RNF152: variants seen among roughly 807,000 people sequenced by gnomAD.
RNF152 encodes ring finger protein 152, also known as E3 ubiquitin-protein ligase RNF152.
In RNF152, 11 loss-of-function variants were observed where a neutral mutation model predicts 12.7. The ratio of observed to expected loss-of-function variants is 0.86; its 90% CI spans 0.54 to 1.43. The LOEUF is 1.43. RNF152 is among the 40% of genes most tolerant of loss of function. RNF152 has a pLI of 0.00. For missense variants in RNF152, 255 were observed against 274.8 expected, an observed-to-expected ratio of 0.93 and a Z score of 0.51; for synonymous variants, 113 against 120.3, an observed-to-expected ratio of 0.94 and a Z score of 0.40.
At chr18:61,863,433 CAAAA>C (rs34663065) in intron 1 of RNF152, among the ~76,000 whole-genome samples, 3 of 90,950 alleles carry the variant, frequency 3.3e-5, no homozygotes, top group African/African-American at 4.3e-5. Flanking sequence ...GACTCCGTCT[CAAAA>C]AAAAAAAAAA....
intron 1 of RNF152, among the ~76,000 whole-genome samples, chr18:61,853,040 G>T (rs2144698044): frequency 6.6e-6 from 1 of 152,280 alleles, no homozygotes; most frequent in East Asian, 1.9e-4. Context: ...CATCTATGTA[G>T]CACTTTGAAA....
chr18:61,855,720 C>T (rs957905714), intron 1 of RNF152, among the ~76,000 whole-genome samples: 31 of 152,194 alleles, frequency 2.0e-4, no homozygotes, highest in Admixed American at 1.6e-3. Flanking sequence ...ACGTCTGGCT[C>T]GCCCTTGGCA....
intron 1 of RNF152, among the ~76,000 whole-genome samples, chr18:61,849,855 C>A (rs1003494865): frequency 3.3e-5 from 5 of 152,174 alleles, no homozygotes; most frequent in Admixed American, 2.6e-4. Flanking sequence ...GTTTGAGCCA[C>A]CATGCCCTGA....
Position 61,850,311 on chromosome 18 carries a change from T to G in RNF152, c.-135-33713A>C, listed in dbSNP as rs530883167. Among the ~76,000 whole-genome samples the G allele has an allele frequency of 4.6e-5, 7 of 152,376 alleles. No homozygotes were observed. In the South Asian group the frequency reaches 1.4e-3, roughly 32 times the overall value. On this transcript the variant is annotated intron_variant, in intron 1 of 1. Coordinates refer to ENST00000312828, the MANE Select transcript of RNF152 (RefSeq NM_173557.3). Reference sequence around the variant, plus strand: ...TGTGCAAAGCCCTTGACATATCATCTGGCACAGAATAACTCCTTGAATGCA... The same window carrying G: ...TGTGCAAAGCCCTTGACATATCATCGGGCACAGAATAACTCCTTGAATGCA...
chr18:61,842,900 C>A (rs1910517622), intron 1 of RNF152, among the ~76,000 whole-genome samples: 2 of 152,182 alleles, frequency 1.3e-5, no homozygotes, highest in Non-Finnish European at 1.5e-5. Context: ...CATCTCCTAT[C>A]AGGTCCCTCT....
rs1284679257 is a variant in RNF152 at position 61,813,098 on chromosome 18, A to T, written c.*2754T>A. 1.3e-5 allele frequency: 2 copies of T among 152,178 alleles called. No homozygotes were observed. The highest frequency in any genetic ancestry group is 6.5e-5 in the Admixed American group (1 of 15,276). The allele number at this position is 152,178 out of a possible 1,614,324, so 9.4% of individuals were successfully genotyped here. A position where few individuals can be genotyped will look rare whatever the true frequency, so the allele number is the denominator to read the frequency against. ...AGTTGTGACTTTTCATTAATGTGCA[A>T]GTATGAATCCTGGCCTCTTGTGTCA... On this transcript the variant is annotated 3_prime_UTR_variant, in exon 2 of 2. Transcript: ENST00000312828.
At chr18:61,835,198 T>G (rs62096301) in intron 1 of RNF152, among the ~76,000 whole-genome samples, 39,549 of 152,204 alleles carry the variant, frequency 0.26, 6,105 homozygotes, top group Non-Finnish European at 0.35. Flanking sequence ...AGCTCCACAG[T>G]ACAAAATAGC....
chr18:61,857,311 A>T (rs1911268091), intron 1 of RNF152, among the ~76,000 whole-genome samples: 1 of 152,206 alleles, frequency 6.6e-6, no homozygotes, highest in Admixed American at 6.5e-5. Context: ...CAGATCTTCA[A>T]CGCCTGCTCT....
Position 61,811,521 on chromosome 18 carries a change from A to T in RNF152, c.*4331T>A, listed in dbSNP as rs1008364830. The stretch of plus-strand genomic sequence containing the variant: ...AAAGAAAGACACTAAAACAATGTCA[A>T]ATCTCATTCTAAAAATACTACCTAC... On this transcript the variant is annotated 3_prime_UTR_variant, in exon 2 of 2. Transcript: ENST00000312828. 1.3e-5 allele frequency: 2 copies of T among 152,258 alleles called. No individual in the cohort carries two copies. Among genetic ancestry groups the T allele is most frequent in the Admixed American group, 1.3e-4 (2 of 15,284 alleles). The allele number at this position is 152,258 out of a possible 1,614,324, so 9.4% of individuals were successfully genotyped here.
At chr18:61,884,259 T>G (rs938387220) in intron 1 of RNF152, among the ~76,000 whole-genome samples, 1 of 152,180 alleles carries the variant, frequency 6.6e-6, no homozygotes, top group Non-Finnish European at 1.5e-5. Flanking sequence ...TCAGACCTTG[T>G]GCACTCAGGT....
intron 1 of RNF152, among the ~76,000 whole-genome samples, chr18:61,876,825 TA>T (rs1912235345): frequency 6.6e-6 from 1 of 152,130 alleles, no homozygotes; most frequent in Admixed American, 6.5e-5. Flanking sequence ...ATTCATGGCG[TA>T]AGTGTCAGTC....
At position 61,816,020 on chromosome 18, in the gene RNF152, C is replaced by CT. The variant is rs1298356618; in HGVS notation, c.443dup (p.Glu149GlyfsTer47). ...TGTCCTGCTCCTCCTCCACCGCCTCCTGGGGAGCCCCACCTTGCAGAGGCT... is the reference window on the plus strand; with the variant it reads ...TGTCCTGCTCCTCCTCCACCGCCTCCTTGGGGAGCCCCACCTTGCAGAGGCT... On this transcript the variant is annotated frameshift_variant, in exon 2 of 2. Transcript: ENST00000312828. LOFTEE classifies it high-confidence loss of function. 8 of 1,614,208 alleles carry CT rather than the reference C, an allele frequency of 5.0e-6. No individual in the cohort carries two copies. The Admixed American group carries it at 1.3e-4, about 27-fold the overall frequency.
At chr18:61,885,664 A>G (rs896084554) in intron 1 of RNF152, among the ~76,000 whole-genome samples, 7 of 152,192 alleles carry the variant, frequency 4.6e-5, no homozygotes, top group African/African-American at 1.7e-4. Context: ...GCAGCTGAAC[A>G]TATTTCCCTC....
chr18:61,828,101 T>G (rs1251411100), intron 1 of RNF152, among the ~76,000 whole-genome samples: 1 of 152,238 alleles, frequency 6.6e-6, no homozygotes, highest in Non-Finnish European at 1.5e-5. Flanking sequence ...TACTCACCTG[T>G]GTAACCACTA....
intron 1 of RNF152, among the ~76,000 whole-genome samples, chr18:61,854,848 G>A (rs1911147604): frequency 1.3e-5 from 2 of 152,316 alleles, no homozygotes; most frequent in South Asian, 4.1e-4. Context: ...TCAACCTGAC[G>A]TGAAAATAGC....
chr18:61,875,038 AT>A (rs1344628351), intron 1 of RNF152: 2 of 152,278 alleles, frequency 1.3e-5, no homozygotes, highest in Admixed American at 6.5e-5. Flanking sequence ...GGTCTGCAAG[AT>A]GTTGGAGGCA....
chr18:61,828,114 C>T (rs1202446753), intron 1 of RNF152, among the ~76,000 whole-genome samples: 1 of 152,236 alleles, frequency 6.6e-6, no homozygotes, highest in Non-Finnish European at 1.5e-5. Flanking sequence ...AACCACTACA[C>T]CAATCAAGAT....
rs1486195293 is a variant in RNF152 at position 61,816,028 on chromosome 18, C to T, written c.436G>A (p.Ala146Thr). The change falls in exon 2 of 2, where the codon GCT (alanine) becomes ACT (threonine). Residue 146 changes from alanine to threonine, a missense_variant. Coordinates refer to ENST00000312828, the MANE Select transcript of RNF152 (RefSeq NM_173557.3). ...TCCTCCTCCACCGCCTCCTGGGGAG[C>T]CCCACCTTGCAGAGGCTGCTGTTCA... Reference protein sequence around the residue: ...PAEQQPLQGGAPQEAVEEEQD... With the variant: ...PAEQQPLQGGTPQEAVEEEQD... 4 of 1,614,236 alleles carry T rather than the reference C, an allele frequency of 2.5e-6. No homozygotes were observed. Among genetic ancestry groups the T allele is most frequent in the Non-Finnish European group, 3.4e-6 (4 of 1,180,042 alleles).
rs868100685 is a variant in RNF152, at chr18:61,809,285, C to A, written c.*6567G>T. ...TATGAGGATTTGTAAATGAAATCCTCATAGGATTTTCCTAAAGCACAGTGT... is the reference window on the plus strand; with the variant it reads ...TATGAGGATTTGTAAATGAAATCCTAATAGGATTTTCCTAAAGCACAGTGT... On this transcript the variant is annotated 3_prime_UTR_variant, in exon 2 of 2. Transcript: ENST00000312828. The A allele has an allele frequency of 6.6e-6, 1 of 152,066 alleles. No homozygotes were observed. The highest frequency in any genetic ancestry group is 1.5e-5 in the Non-Finnish European group (1 of 68,024). The allele number at this position is 152,066 out of a possible 1,614,324, so 9.4% of individuals were successfully genotyped here.
Sources: allele counts gnomAD v4.1 joint callset (sites outside exome capture counted in the v4.1 genomes callset), GRCh38; gene constraint gnomAD v4.1.1; transcripts MANE v1.5; gene names NCBI Gene and HGNC (gene_info 2026-07-23, HGNC 2026-07-21).